Variants in GPBP1 observed in about 807,000 individuals in gnomAD.
GPBP1 encodes vasculin.
In GPBP1, 13 loss-of-function variants were observed where a neutral mutation model predicts 56.5. The ratio of observed to expected loss-of-function variants is 0.23; its 90% CI spans 0.15 to 0.37. The LOEUF (loss-of-function observed/expected upper bound fraction) is 0.37. GPBP1 is among the 10% of genes least tolerant of loss of function. The probability of loss-of-function intolerance (pLI) is 1.00; values close to 1 mark genes in which losing one functional copy is unlikely to be tolerated. For missense variants in GPBP1, 477 were observed against 572.3 expected, an observed-to-expected ratio of 0.83 and a Z score of 1.70; for synonymous variants, 204 against 188.9, an observed-to-expected ratio of 1.08 and a Z score of -0.66.
intron 3 of GPBP1, among the ~76,000 whole-genome samples, chr5:57,228,034 A>G (rs535732398): frequency 6.6e-6 from 1 of 152,366 alleles, no homozygotes; most frequent in African/African-American, 2.4e-5. Context: ...GACTAATACA[A>G]GATAGAATTG....
In GPBP1 at chr5:57,249,521, A is replaced by G. The variant is rs1359093758; in HGVS notation, c.917A>G (p.Lys306Arg). 2 of 1,613,364 alleles carry G rather than the reference A, an allele frequency of 1.2e-6. No homozygotes were observed. The highest frequency in any genetic ancestry group is 3.3e-5 in the Admixed American group (2 of 59,892). The stretch of plus-strand genomic sequence containing the variant: ...AAGAGTGAATTTTTGAAAGCATTGA[A>G]AAGAGACAGAGTAGAAGAGGAACAT... ...DKKSEFLKAL[K>R]RDRVEEEHED... Residue 306 changes from lysine (K) to arginine (R), a missense_variant, in exon 9 of 12, where the codon AAA becomes AGA. Coordinates refer to ENST00000506184, the MANE Select transcript of GPBP1 (RefSeq NM_022913.4).
At chr5:57,213,794 A>C (rs563952002) in intron 2 of GPBP1, among the ~76,000 whole-genome samples, 250 of 152,320 alleles carry the variant, frequency 1.6e-3, no homozygotes, top group Middle Eastern at 3.4e-3. Context: ...TTTATGAAAA[A>C]ACCAGTTTTA....
At chr5:57,245,410 A>G (rs1002839068) in intron 6 of GPBP1, 1 of 152,220 alleles carries the variant, frequency 6.6e-6, no homozygotes, top group Admixed American at 6.5e-5. Context: ...GAGATGATCC[A>G]TGAGGAAGCT....
rs1218396841 is a variant in GPBP1, at chr5:57,179,393, G to T, written c.-58+2993G>T. ...AGACAGGGTCTCGCTCTCTCACCCA[G>T]ATTGGAGTGTAATGGCACGATTGTA... On this transcript the variant is annotated intron_variant, in intron 2 of 11. Coordinates refer to ENST00000506184, the MANE Select transcript of GPBP1 (RefSeq NM_022913.4). 3.3e-5 allele frequency among the ~76,000 whole-genome samples: 5 copies of T among 152,054 alleles called. No individual in the cohort carries two copies. The South Asian group carries it at 1.0e-3, about 32-fold the overall frequency.
intron 3 of GPBP1, among the ~76,000 whole-genome samples, chr5:57,217,213 C>G (rs1005355039): frequency 6.6e-6 from 1 of 151,564 alleles, no homozygotes; most frequent in African/African-American, 2.4e-5. Flanking sequence ...TTTTTTTGGT[C>G]AAGTTATTTT....
In GPBP1 at chr5:57,212,549, A is replaced by G. The variant is rs1308023551; in HGVS notation, c.-57-1525A>G. Among the ~76,000 whole-genome samples, 22 of 152,130 alleles carry G rather than the reference A, an allele frequency of 1.4e-4. 1 individual carries two copies. Among genetic ancestry groups the G allele is most frequent in the Admixed American group, 1.4e-3 (22 of 15,254 alleles). On this transcript the variant is annotated intron_variant, in intron 2 of 11. Transcript: ENST00000506184. The stretch of plus-strand genomic sequence containing the variant: ...TCTTAAGGTTTTCAAGTTGTATCAG[A>G]GTTTTTCTCCCTAAGCCCATATTGA...
intron 6 of GPBP1, 125 bp from the exon 7 acceptor site, chr5:57,246,175 T>C: frequency 1.7e-6 from 1 of 580,070 alleles, no homozygotes. Context: ...TTAGTTATTT[T>C]ACCCAGGAGG....
At chr5:57,251,717 G>C (rs1024679862) in intron 10 of GPBP1, among the ~76,000 whole-genome samples, 1 of 151,920 alleles carries the variant, frequency 6.6e-6, no homozygotes, top group Non-Finnish European at 1.5e-5. Context: ...GAGTTGAATT[G>C]CTGGGACATA....
chr5:57,226,812 T>G (rs1218268941), intron 3 of GPBP1, among the ~76,000 whole-genome samples: 1 of 142,736 alleles, frequency 7.0e-6, no homozygotes, highest in Non-Finnish European at 1.5e-5. Context: ...CGATCTCTGC[T>G]CACTGCAAGC....
chr5:57,191,303 A>G (rs1394584544), intron 2 of GPBP1, among the ~76,000 whole-genome samples: 1 of 151,920 alleles, frequency 6.6e-6, no homozygotes, highest in Non-Finnish European at 1.5e-5. Flanking sequence ...CATGTTGGCC[A>G]GGCTGGTCTT....
intron 2 of GPBP1, among the ~76,000 whole-genome samples, chr5:57,181,525 A>G (rs1354337450): frequency 1.3e-5 from 2 of 150,924 alleles, no homozygotes; most frequent in Non-Finnish European, 3.0e-5. Flanking sequence ...TATTATCCTA[A>G]TACTTTGGGA....
At chr5:57,186,992 G>A (rs1458039110) in intron 2 of GPBP1, among the ~76,000 whole-genome samples, 2 of 147,094 alleles carry the variant, frequency 1.4e-5, no homozygotes, top group African/African-American at 5.0e-5. Flanking sequence ...GTCTATTTCT[G>A]GACTCAGAGA....
At chr5:57,218,064 G>GA (rs202216781) in intron 3 of GPBP1, among the ~76,000 whole-genome samples, 83 of 147,916 alleles carry the variant, frequency 5.6e-4, no homozygotes, top group Non-Finnish European at 7.6e-4. Context: ...CTGTGTAAAA[G>GA]AAAAAAAAAC....
chr5:57,232,050 G>A (rs1756483722), intron 5 of GPBP1, among the ~76,000 whole-genome samples: 1 of 152,070 alleles, frequency 6.6e-6, no homozygotes, highest in African/African-American at 2.4e-5. Context: ...TTGAGACAGG[G>A]TCTCACTCTT....
intron 10 of GPBP1, 136 bp downstream of exon 10, chr5:57,251,277 G>A (rs1741373270): frequency 1.4e-6 from 1 of 708,666 alleles, no homozygotes; most frequent in Non-Finnish European, 2.3e-6. Flanking sequence ...ATATACAGAT[G>A]GTTTTTAATA....
intron 3 of GPBP1, among the ~76,000 whole-genome samples, chr5:57,225,712 C>G (rs995978740): frequency 2.0e-5 from 3 of 152,094 alleles, no homozygotes; most frequent in African/African-American, 7.2e-5. Context: ...CTCTCTGTAC[C>G]GTTGAACCAG....
In GPBP1 at chr5:57,263,454, C is replaced by G. The variant is rs1397268857; in HGVS notation, c.*702C>G. ...AGCTTTATTGGGGTATGTTGTCAGA[C>G]CAGGGTTTTCAGAGTTGATGGAAAA... On this transcript the variant is annotated 3_prime_UTR_variant, in exon 12 of 12. Transcript: ENST00000506184. The G allele has an allele frequency of 2.0e-5, 3 of 152,088 alleles. No individual in the cohort carries two copies. Among genetic ancestry groups the G allele is most frequent in the Non-Finnish European group, 4.4e-5 (3 of 68,014 alleles). 9.4% of individuals were successfully genotyped at this position (152,088 alleles called of 1,614,324 possible).
At chr5:57,225,578 G>GT (rs1490641937) in intron 3 of GPBP1, among the ~76,000 whole-genome samples, 1 of 150,730 alleles carries the variant, frequency 6.6e-6, no homozygotes, top group Non-Finnish European at 1.5e-5. Flanking sequence ...ATTCTACAAA[G>GT]TAAGAATTAA....
At position 57,257,700 on chromosome 5, in the gene GPBP1, A is replaced by C. The variant is rs140309623; in HGVS notation, c.1161-3480A>C. ...GAACTCCTAGCCTCAAGTAATCCTC[A>C]TGCCCTGGCCTCTTGAATTGCTGGG... On this transcript the variant is annotated intron_variant, in intron 10 of 11. Coordinates refer to ENST00000506184, the MANE Select transcript of GPBP1 (RefSeq NM_022913.4). Among the ~76,000 whole-genome samples the C allele has an allele frequency of 3.2e-3, 488 of 152,160 alleles. 4 individuals carry two copies. Among genetic ancestry groups the C allele is most frequent in the African/African-American group, 0.011 (464 of 41,524 alleles).
Sources: allele counts gnomAD v4.1 joint callset (sites outside exome capture counted in the v4.1 genomes callset), GRCh38; gene constraint gnomAD v4.1.1; transcripts MANE v1.5; gene names NCBI Gene and HGNC (gene_info 2026-07-23, HGNC 2026-07-21).